USP47: variants seen among roughly 807,000 people sequenced by gnomAD.
USP47 encodes the protein ubiquitin carboxyl-terminal hydrolase 47.
Under a neutral mutation model 165.1 loss-of-function variants are expected in USP47, and 35 were observed. The observed-to-expected ratio is 0.21, with a 90% CI of 0.16 to 0.28. The LOEUF (loss-of-function observed/expected upper bound fraction) is 0.28, where lower values mean the gene tolerates loss of function less well. Among genes scored for constraint, USP47 ranks in the 10% least tolerant of loss-of-function variants. The probability of loss-of-function intolerance (pLI) is 1.00; values close to 1 mark genes in which losing one functional copy is unlikely to be tolerated. For missense variants in USP47, 1,277 were observed against 1,607.4 expected (o/e 0.79, Z 3.52); for synonymous variants, 531 against 544.5 (o/e 0.98, Z 0.35).
chr11:11,914,411 A>G (rs1337655235), intron 8 of USP47, among the ~76,000 whole-genome samples: 1 of 152,180 alleles, frequency 6.6e-6, no homozygotes, highest in Non-Finnish European at 1.5e-5. Context: ...AATGGGTCAT[A>G]AACTTAAATG....
intron 3 of USP47, among the ~76,000 whole-genome samples, chr11:11,885,902 GCTGTTT>G (rs1255420020): frequency 9.2e-5 from 14 of 152,318 alleles, no homozygotes; most frequent in Admixed American, 9.2e-4. Context: ...TGCCATCTTT[GCTGTTT>G]CACAGCCTTC....
chr11:11,900,101 T>C (rs1044417643), intron 5 of USP47, among the ~76,000 whole-genome samples: 2 of 151,682 alleles, frequency 1.3e-5, no homozygotes, highest in African/African-American at 4.8e-5. Flanking sequence ...AAGGATAAAG[T>C]ATCCAGAGAG....
chr11:11,931,113 C>T (rs1409022930), intron 14 of USP47, among the ~76,000 whole-genome samples: 2 of 151,968 alleles, frequency 1.3e-5, no homozygotes, highest in Non-Finnish European at 2.9e-5. Flanking sequence ...GGCTGTATTA[C>T]AAATATCTAG....
intron 8 of USP47, among the ~76,000 whole-genome samples, chr11:11,909,343 A>C (rs1852796806): frequency 6.6e-6 from 1 of 152,224 alleles, no homozygotes. Context: ...TGACTAGATC[A>C]AAGTAACTTT....
At chr11:11,929,393 T>C (rs778185398) in intron 11 of USP47, 41 bp from the exon 12 acceptor site, 1 of 1,599,630 alleles carries the variant, frequency 6.3e-7, no homozygotes, top group Non-Finnish European at 8.5e-7. Flanking sequence ...AAGGGTTGTG[T>C]TTTCCTTCTC....
At chr11:11,939,018 G>A (rs1156754345) in intron 18 of USP47, among the ~76,000 whole-genome samples, 1 of 151,980 alleles carries the variant, frequency 6.6e-6, no homozygotes, top group Non-Finnish European at 1.5e-5. Flanking sequence ...CTGTAGACTT[G>A]ACAGGGAAGG....
intron 3 of USP47, among the ~76,000 whole-genome samples, chr11:11,890,084 G>A (rs1355174046): frequency 1.3e-5 from 2 of 151,934 alleles, no homozygotes; most frequent in African/African-American, 4.8e-5. Context: ...TGTAAAACCC[G>A]AAACTATACA....
At chr11:11,861,459 A>C (rs1370489625) in intron 1 of USP47, among the ~76,000 whole-genome samples, 1 of 152,120 alleles carries the variant, frequency 6.6e-6, no homozygotes, top group Non-Finnish European at 1.5e-5. Flanking sequence ...TTGGTTTTTA[A>C]TTGTCAAAAT....
At chr11:11,893,651 T>A (rs1270977107) in intron 4 of USP47, among the ~76,000 whole-genome samples, 1 of 151,640 alleles carries the variant, frequency 6.6e-6, no homozygotes, top group African/African-American at 2.4e-5. Flanking sequence ...AGGCTAGTCT[T>A]GAGTAATCTT....
At chr11:11,929,339 T>C (rs557806440) in intron 11 of USP47, 95 bp from the exon 12 acceptor site, 17 of 1,498,426 alleles carry the variant, frequency 1.1e-5, no homozygotes, top group Non-Finnish European at 1.4e-5. Context: ...CAACTTACCA[T>C]GTTACTTCTC....
At chr11:11,940,148 G>C (rs527940423) in intron 18 of USP47, among the ~76,000 whole-genome samples, 65 of 152,098 alleles carry the variant, frequency 4.3e-4, no homozygotes, top group Non-Finnish European at 7.7e-4. Context: ...TACTTGGCAA[G>C]TTTGAGAGCA....
intron 4 of USP47, among the ~76,000 whole-genome samples, chr11:11,897,092 G>A (rs116619122): frequency 1.4e-4 from 21 of 149,614 alleles, no homozygotes; most frequent in Non-Finnish European, 2.4e-4. Context: ...AATTTATCTC[G>A]TATGTTATTC....
intron 7 of USP47, 121 bp from the exon 8 acceptor site, chr11:11,905,278 C>T (rs981777940): frequency 1.1e-5 from 5 of 440,490 alleles, no homozygotes; most frequent in Non-Finnish European, 1.1e-5. Context: ...TTAATGTTTT[C>T]AAAGATTTTA....
chr11:11,915,357 C>T (rs1419001687), intron 8 of USP47, among the ~76,000 whole-genome samples: 1 of 152,072 alleles, frequency 6.6e-6, no homozygotes, highest in Non-Finnish European at 1.5e-5. Flanking sequence ...AGAGGAGAAG[C>T]AGGTGGTTGT....
intron 11 of USP47, among the ~76,000 whole-genome samples, chr11:11,925,956 GTTTAAT>G (rs1854211230): frequency 6.6e-6 from 1 of 152,090 alleles, no homozygotes; most frequent in Admixed American, 6.6e-5. Flanking sequence ...ATGAAAGGAT[GTTTAAT>G]TTTGTCAGAT....
At chr11:11,871,387 C>T (rs1850034569) in intron 1 of USP47, among the ~76,000 whole-genome samples, 1 of 151,390 alleles carries the variant, frequency 6.6e-6, no homozygotes, top group Admixed American at 6.6e-5. Context: ...CCTGTAGTCC[C>T]AGCTACTCGG....
intron 1 of USP47, among the ~76,000 whole-genome samples, chr11:11,875,368 A>C (rs1362128001): frequency 6.6e-6 from 1 of 152,154 alleles, no homozygotes; most frequent in East Asian, 1.9e-4. Context: ...AACAAAAATT[A>C]TGATGTTATC....
chr11:11,951,803 G>T (rs954825730), intron 24 of USP47: 10 of 152,168 alleles, frequency 6.6e-5, no homozygotes, highest in Non-Finnish European at 1.2e-4. Context: ...CTACTATGGT[G>T]TGTAGGCAAG....
At chr11:11,955,587 G>A (rs544940856) in intron 27 of USP47, among the ~76,000 whole-genome samples, 3 of 152,318 alleles carry the variant, frequency 2.0e-5, no homozygotes, top group Admixed American at 1.3e-4. Context: ...CAGATGTAGA[G>A]GAAAAAGAAT....
Sources: gnomAD v4.1 joint callset for allele counts (sites outside exome capture counted in the v4.1 genomes callset) on GRCh38, gnomAD v4.1.1 for gene constraint, MANE v1.5 for transcripts, NCBI Gene and HGNC (gene_info 2026-07-23, HGNC 2026-07-21) for gene names.